Variants in RNF111 observed in about 807,000 individuals in gnomAD.
RNF111 encodes ring finger protein 111, also known as E3 ubiquitin-protein ligase Arkadia.
RNF111 carries 17 observed loss-of-function variants against 95.1 expected under a neutral mutation model. The observed-to-expected ratio is 0.18, with a 90% CI of 0.12 to 0.27. The LOEUF is 0.27. RNF111 is among the 10% of genes least tolerant of loss of function. The probability of loss-of-function intolerance (pLI) is 1.00; values close to 1 mark genes in which losing one functional copy is unlikely to be tolerated. For synonymous variants in RNF111, 440 were observed against 414.8 expected (o/e 1.06, Z -0.74); for missense variants, 1,189 against 1,210.4 (o/e 0.98, Z 0.26).
At position 59,031,281 on chromosome 15, in the gene RNF111, G is replaced by C; in HGVS notation, c.459G>C (p.Val153=). 1.2e-6 allele frequency: 2 copies of C among 1,614,042 alleles called. No individual in the cohort carries two copies. Among genetic ancestry groups the C allele is most frequent in the Non-Finnish European group, 1.7e-6 (2 of 1,179,990 alleles). The change falls in exon 2 of 14, where the codon GTG becomes GTC. Residue 153 remains valine, a synonymous_variant. Coordinates refer to ENST00000348370, the MANE Select transcript of RNF111 (RefSeq NM_017610.8). The part of the protein sequence containing the change: ...SSLHFGDSDT[V]TSDEDKEVSV... ...TGCATTTTGGAGATTCTGATACTGTGACTTCAGATGAGGATAAAGAAGTCT... is the reference window on the plus strand; with the variant it reads ...TGCATTTTGGAGATTCTGATACTGTCACTTCAGATGAGGATAAAGAAGTCT...
chr15:59,018,648 TAA>T (rs372605365), intron 1 of RNF111, among the ~76,000 whole-genome samples: 29 of 152,280 alleles, frequency 1.9e-4, no homozygotes, highest in African/African-American at 5.5e-4. Flanking sequence ...CCCAAACTGT[TAA>T]GTGTGTATTT....
intron 1 of RNF111, among the ~76,000 whole-genome samples, chr15:59,020,086 T>A (rs902055397): frequency 1.3e-5 from 2 of 149,076 alleles, no homozygotes; most frequent in Non-Finnish European, 3.0e-5. Flanking sequence ...TTTTATATTT[T>A]GTGTTATATA....
chr15:59,076,711 A>G (rs942938887), intron 7 of RNF111, among the ~76,000 whole-genome samples: 42 of 152,188 alleles, frequency 2.8e-4, no homozygotes, highest in African/African-American at 9.2e-4. Flanking sequence ...ATAAAATAGA[A>G]CCAGCCATGC....
intron 1 of RNF111, among the ~76,000 whole-genome samples, chr15:59,011,396 A>T (rs77605367): frequency 1.3e-5 from 2 of 152,192 alleles, no homozygotes; most frequent in Non-Finnish European, 2.9e-5. Flanking sequence ...TGTGTTTACA[A>T]TACTTGGGGC....
At chr15:59,064,821 G>A (rs1050032176) in intron 5 of RNF111, among the ~76,000 whole-genome samples, 5 of 151,892 alleles carry the variant, frequency 3.3e-5, no homozygotes, top group African/African-American at 1.2e-4. Context: ...ACCTTGAAGA[G>A]ATGAGAATCC....
At position 59,066,941 on chromosome 15, in the gene RNF111, A is replaced by G. The variant is rs1202233656; in HGVS notation, c.1544A>G (p.His515Arg). 1.2e-6 allele frequency: 2 copies of G among 1,614,016 alleles called. No homozygotes were observed. Among genetic ancestry groups the G allele is most frequent in the Admixed American group, 1.7e-5 (1 of 60,004 alleles). The change falls in exon 6 of 14, where the codon CAT becomes CGT. Residue 515 changes from histidine to arginine, a missense_variant. Physicochemically the swap from His to Arg is conservative, Grantham distance 29 (BLOSUM62 0). Transcript: ENST00000348370. ...CAGCATGGTCACCATTTTCAACATC[A>G]TCACCACCACCACCATACTCCCCAC... Reference protein sequence around the residue: ...FQQHGHHFQHHHHHHHTPHPA... With the variant: ...FQQHGHHFQHRHHHHHTPHPA...
At chr15:58,995,478 G>C (rs1266318230) in intron 1 of RNF111, among the ~76,000 whole-genome samples, 2 of 90,418 alleles carry the variant, frequency 2.2e-5, no homozygotes, top group Non-Finnish European at 5.2e-5. Context: ...TTTTTTTTTT[G>C]ACGGAGTCTC....
At chr15:59,080,906 TG>T (rs1555400883) in intron 7 of RNF111, 29 bp from the exon 8 acceptor site, 12 of 1,547,770 alleles carry the variant, frequency 7.8e-6, no homozygotes, top group Non-Finnish European at 1.1e-5. Flanking sequence ...ATGGTGCCTA[TG>T]TAACATACTC....
At chr15:59,072,521 T>G (rs1437465985) in intron 6 of RNF111, among the ~76,000 whole-genome samples, 5 of 145,962 alleles carry the variant, frequency 3.4e-5, no homozygotes, top group Non-Finnish European at 4.5e-5. Context: ...TGGCGTGATC[T>G]CGGCTCACTG....
chr15:59,058,329 G>A (rs772952861), intron 4 of RNF111, 27 bp from the exon 5 acceptor site: 4 of 1,588,494 alleles, frequency 2.5e-6, no homozygotes, highest in Middle Eastern at 3.3e-4. Flanking sequence ...GTTTTGAAAT[G>A]CTAAGTTGAC....
At chr15:58,996,103 AAT>A (rs1319878023) in intron 1 of RNF111, among the ~76,000 whole-genome samples, 4 of 152,042 alleles carry the variant, frequency 2.6e-5, no homozygotes, top group African/African-American at 4.8e-5. Flanking sequence ...TCAAATACAT[AAT>A]GAGTTATGTT....
chr15:59,055,792 A>G lies in RNF111; in HGVS notation c.1118A>G (p.Gln373Arg), dbSNP rs1198743568. Residue 373 changes from glutamine to arginine, a missense_variant, in exon 4 of 14, where the codon CAG (glutamine) becomes CGG (arginine). Physicochemically the swap from Gln to Arg is conservative, Grantham distance 43 (BLOSUM62 1). Transcript: ENST00000348370. ...RNRSRISTVI[Q>R]PLRQNAAEVV... ...CGCAGTAGGATTTCTACTGTTATAC[A>G]GCCCTTGAGGCAGAATGCAGCAGAA... The G allele has an allele frequency of 3.1e-6, 5 of 1,613,942 alleles. No individual in the cohort carries two copies. The African/African-American group carries it at 4.0e-5, about 13-fold the overall frequency.
In RNF111 at chr15:58,996,649, C is replaced by CT. The variant is rs60350601; in HGVS notation, c.-20+8610dup. ...GTGATTGAAAACTCATCAGTACTTT[C>CT]TTTTTTTTTTTTTTTTTTTTTTTTT... On this transcript the variant is annotated intron_variant, in intron 1 of 13. Coordinates refer to ENST00000348370, the MANE Select transcript of RNF111 (RefSeq NM_017610.8). Among the ~76,000 whole-genome samples the CT allele has an allele frequency of 4.5e-3, 453 of 100,732 alleles. 21 individuals carry two copies. Among genetic ancestry groups the CT allele is most frequent in the African/African-American group, 0.017 (436 of 25,608 alleles). The allele number at this position is 100,732 out of a possible 152,430, so 66.1% of individuals were successfully genotyped here. A position where few individuals can be genotyped will look rare whatever the true frequency, so the allele number is the denominator to read the frequency against.
chr15:59,081,316 G>A (rs753683742), intron 8 of RNF111, 32 bp downstream of exon 8: 1 of 1,578,726 alleles, frequency 6.3e-7, no homozygotes, highest in Non-Finnish European at 8.7e-7. Flanking sequence ...AGAAAGTCAA[G>A]TTTGCTTTTT....
chr15:59,081,502 A>G (rs563475953), intron 8 of RNF111, among the ~76,000 whole-genome samples: 3 of 151,022 alleles, frequency 2.0e-5, no homozygotes, highest in South Asian at 4.2e-4. Context: ...TTCTTTTTTT[A>G]AAAAAAGAAC....
chr15:59,075,899 C>T, intron 6 of RNF111, 55 bp from the exon 7 acceptor site: 4 of 1,560,232 alleles, frequency 2.6e-6, no homozygotes, highest in Non-Finnish European at 3.5e-6. Context: ...TATAATATAA[C>T]ATGAAATATT....
rs148167029 is a variant in RNF111 at position 58,990,131 on chromosome 15, A to G, written c.-20+2063A>G. 6.6e-5 allele frequency among the ~76,000 whole-genome samples: 10 copies of G among 152,310 alleles called. No homozygotes were observed. In the East Asian group the frequency reaches 1.9e-3, roughly 29 times the overall value. On this transcript the variant is annotated intron_variant, in intron 1 of 13. Coordinates refer to ENST00000348370, the MANE Select transcript of RNF111 (RefSeq NM_017610.8). The stretch of plus-strand genomic sequence containing the variant: ...GATTTTAGATCTATCTTTGCTTGCT[A>G]TACATTAGATCTCCGAGTTTATTGT...
intron 1 of RNF111, among the ~76,000 whole-genome samples, chr15:59,018,377 C>G (rs117222149): frequency 0.049 from 7,512 of 152,148 alleles, 261 homozygotes; most frequent in Non-Finnish European, 0.077. Context: ...AATTTTATGC[C>G]TAGCCAAGAT....
At chr15:59,079,834 C>T (rs1286605707) in intron 7 of RNF111, among the ~76,000 whole-genome samples, 1 of 151,964 alleles carries the variant, frequency 6.6e-6, no homozygotes, top group Non-Finnish European at 1.5e-5. Flanking sequence ...AAATAGGTCT[C>T]CTTCACCTTA....
Sources: gnomAD v4.1 joint callset for allele counts (sites outside exome capture counted in the v4.1 genomes callset) on GRCh38, gnomAD v4.1.1 for gene constraint, MANE v1.5 for transcripts, NCBI Gene and HGNC (gene_info 2026-07-23, HGNC 2026-07-21) for gene names.